ACVR2A: variants seen among roughly 807,000 people sequenced by gnomAD.
ACVR2A encodes activin receptor type-2A.
ACVR2A carries 7 observed loss-of-function variants against 61.4 expected under a neutral mutation model. The observed-to-expected ratio is 0.11, with a 90% CI of 0.06 to 0.21. ACVR2A has a LOEUF of 0.21. Among genes scored for constraint, ACVR2A ranks in the 10% least tolerant of loss-of-function variants. The pLI, the probability that ACVR2A is intolerant of heterozygous loss-of-function variation, is 1.00. For missense variants in ACVR2A, 322 were observed against 621.7 expected, an observed-to-expected ratio of 0.52 and a Z score of 5.13; for synonymous variants, 193 against 208.3, an observed-to-expected ratio of 0.93 and a Z score of 0.63.
chr2:147,872,267 G>A (rs1344590073), intron 1 of ACVR2A, among the ~76,000 whole-genome samples: 1 of 151,972 alleles, frequency 6.6e-6, no homozygotes, highest in Non-Finnish European at 1.5e-5. Flanking sequence ...ATGCGTTGAT[G>A]CAAAAAGCTT....
intron 1 of ACVR2A, among the ~76,000 whole-genome samples, chr2:147,878,385 T>TG (rs1156850516): frequency 6.6e-6 from 1 of 152,160 alleles, no homozygotes; most frequent in Non-Finnish European, 1.5e-5. Context: ...TGAAAGGTGT[T>TG]GGGTTGAGAT....
intron 7 of ACVR2A, 38 bp from the exon 8 acceptor site, chr2:147,920,192 A>G: frequency 7.4e-7 from 1 of 1,345,574 alleles, no homozygotes; most frequent in Non-Finnish European, 1.1e-6. Context: ...AAAGGTAACT[A>G]GTTTAAACTT....
At chr2:147,849,135 C>T (rs967893699) in intron 1 of ACVR2A, among the ~76,000 whole-genome samples, 1 of 152,074 alleles carries the variant, frequency 6.6e-6, no homozygotes, top group Non-Finnish European at 1.5e-5. Context: ...GATAAACTCT[C>T]CTATCACCGA....
In ACVR2A at chr2:147,892,413, T is replaced by G. The variant is rs1299773851; in HGVS notation, c.56-3888T>G. Among the ~76,000 whole-genome samples the G allele has an allele frequency of 3.3e-5, 5 of 150,776 alleles. 1 individual carries two copies. The South Asian group carries it at 1.0e-3, about 32-fold the overall frequency. On this transcript the variant is annotated intron_variant, in intron 1 of 10. Coordinates refer to ENST00000241416, the MANE Select transcript of ACVR2A (RefSeq NM_001616.5). Reference sequence around the variant, plus strand: ...CTGGCAACTTATAACTACATCTCTGTGCTAGTATATTGTAGAACCACTGTT... The same window carrying G: ...CTGGCAACTTATAACTACATCTCTGGGCTAGTATATTGTAGAACCACTGTT...
chr2:147,850,497 T>G (rs1685416214), intron 1 of ACVR2A, among the ~76,000 whole-genome samples: 3 of 152,170 alleles, frequency 2.0e-5, no homozygotes, highest in Admixed American at 6.5e-5. Context: ...CAGAAAAAGT[T>G]TCGCTCATCT....
Position 147,852,636 on chromosome 2 carries a change from C to T in ACVR2A, c.55+7429C>T, listed in dbSNP as rs113274806. ...AAGGTCTTCTCTCTTTTGGACTAGT[C>T]GAATAAATTAAGCACACACGAAGGC... On this transcript the variant is annotated intron_variant, in intron 1 of 10. Transcript: ENST00000241416. Among the ~76,000 whole-genome samples the T allele has an allele frequency of 3.3e-5, 5 of 151,992 alleles. 1 individual carries two copies. Among genetic ancestry groups the T allele is most frequent in the African/African-American group, 9.6e-5 (4 of 41,492 alleles).
Position 147,926,125 on chromosome 2 carries a change from G to C in ACVR2A, c.1311G>C (p.Lys437Asn). 1 of 1,611,782 alleles carries C rather than the reference G, an allele frequency of 6.2e-7. No individual in the cohort carries two copies. Among genetic ancestry groups the C allele is most frequent in the Non-Finnish European group, 8.5e-7 (1 of 1,178,568 alleles). The change falls in exon 10 of 11, where the codon AAG becomes AAC. Residue 437 changes from lysine to asparagine, a missense_variant. Lys to Asn is a moderately conservative substitution (Grantham distance 94). This residue lies in a region of ACVR2A where 146 missense variants were observed against 383.8 expected (regional missense o/e 0.38). Coordinates refer to ENST00000241416, the MANE Select transcript of ACVR2A (RefSeq NM_001616.5). ...AGGAAGTTGTTGTGCATAAAAAAAA[G>C]AGGCCTGTTTTAAGAGATTATTGGC... ...DMQEVVVHKK[K>N]RPVLRDYWQK...
chr2:147,896,063 G>A (rs1052177569), intron 1 of ACVR2A, among the ~76,000 whole-genome samples: 1 of 152,160 alleles, frequency 6.6e-6, no homozygotes. Flanking sequence ...ACATTCTCAA[G>A]TGAAGTGAAA....
intron 4 of ACVR2A, among the ~76,000 whole-genome samples, chr2:147,900,246 T>G (rs971260697): frequency 6.6e-6 from 1 of 152,052 alleles, no homozygotes; most frequent in Non-Finnish European, 1.5e-5. Context: ...CTCTGTCCCC[T>G]CCTCCATTTC....
chr2:147,871,367 A>G (rs1686012202), intron 1 of ACVR2A, among the ~76,000 whole-genome samples: 1 of 152,062 alleles, frequency 6.6e-6, no homozygotes. Context: ...CCTGCTAATA[A>G]TTTTCTTTGC....
intron 4 of ACVR2A, among the ~76,000 whole-genome samples, chr2:147,909,751 C>T (rs1687071176): frequency 6.6e-6 from 1 of 152,146 alleles, no homozygotes; most frequent in African/African-American, 2.4e-5. Flanking sequence ...TGTCTTCCCT[C>T]CTCAGACATC....
At chr2:147,867,736 C>A (rs2105152965) in intron 1 of ACVR2A, among the ~76,000 whole-genome samples, 1 of 152,228 alleles carries the variant, frequency 6.6e-6, no homozygotes, top group South Asian at 2.1e-4. Context: ...AAACCCCTTA[C>A]TTCTTGTCAC....
rs1453883828 is a variant in ACVR2A at position 147,896,330 on chromosome 2, G to C, written c.85G>C (p.Glu29Gln). The change falls in exon 2 of 11, where the codon GAG becomes CAG. Residue 29 changes from glutamate (E) to glutamine (Q), a missense_variant. Transcript: ENST00000241416. ...TATACTTGGTAGATCAGAAACTCAG[G>C]AGTGTCTTTTCTTTAATGCTAATTG... ...GAILGRSETQ[E>Q]CLFFNANWEK... is the part of the protein sequence containing the mutation. 8 of 1,613,756 alleles carry C rather than the reference G, an allele frequency of 5.0e-6. No homozygotes were observed. The South Asian group carries it at 8.8e-5, about 18-fold the overall frequency.
chr2:147,864,166 A>G (rs1318682085), intron 1 of ACVR2A, among the ~76,000 whole-genome samples: 1 of 152,074 alleles, frequency 6.6e-6, no homozygotes, highest in African/African-American at 2.4e-5. Context: ...TTTAAGACAA[A>G]TTGATTAAAT....
chr2:147,923,733 T>G (rs191984794), intron 9 of ACVR2A, among the ~76,000 whole-genome samples: 61 of 152,200 alleles, frequency 4.0e-4, no homozygotes, highest in African/African-American at 1.4e-3. Flanking sequence ...TGTTGCAGCA[T>G]TTTTTGTTTT....
chr2:147,887,044 A>C (rs1350147212), intron 1 of ACVR2A, among the ~76,000 whole-genome samples: 1 of 151,882 alleles, frequency 6.6e-6, no homozygotes, highest in Non-Finnish European at 1.5e-5. Flanking sequence ...GACCTTATCT[A>C]TACAAAAAAT....
At chr2:147,876,597 T>G (rs1261260322) in intron 1 of ACVR2A, among the ~76,000 whole-genome samples, 1 of 152,182 alleles carries the variant, frequency 6.6e-6, no homozygotes, top group African/African-American at 2.4e-5. Context: ...GTCATTCACT[T>G]CATCAGAATT....
intron 4 of ACVR2A, chr2:147,900,538 A>G (rs894359082): frequency 6.6e-6 from 1 of 152,024 alleles, no homozygotes; most frequent in Non-Finnish European, 1.5e-5. Flanking sequence ...TCACACCCCA[A>G]ATATTTCTGG....
intron 1 of ACVR2A, among the ~76,000 whole-genome samples, chr2:147,881,886 A>C (rs1231370015): frequency 6.6e-6 from 1 of 152,096 alleles, no homozygotes; most frequent in Non-Finnish European, 1.5e-5. Context: ...TAAGAAATTT[A>C]AGTCCTCTAA....
Sources: gnomAD v4.1 joint callset for allele counts (sites outside exome capture counted in the v4.1 genomes callset) on GRCh38, gnomAD v4.1.1 for gene constraint, gnomAD v4.1.1 regional missense constraint, MANE v1.5 for transcripts, NCBI Gene and HGNC (gene_info 2026-07-23, HGNC 2026-07-21) for gene names.